The following HABP2 variants were observed in gnomAD, a reference collection of about 807,000 sequenced individuals.
HABP2 encodes the protein hyaluronan binding protein 2.
HABP2 carries 65 observed loss-of-function variants against 66.5 expected under a neutral mutation model. That is an observed-to-expected ratio of 0.98 (90% confidence interval 0.80 to 1.20). HABP2 has a LOEUF of 1.20. HABP2 is among the 50% of genes most tolerant of loss of function. HABP2 has a pLI of 0.00. For missense variants in HABP2, 786 were observed against 691.0 expected, an observed-to-expected ratio of 1.14 and a Z score of -1.54; for synonymous variants, 263 against 253.9, an observed-to-expected ratio of 1.04 and a Z score of -0.34.
At chr10:113,561,243 G>A (rs1845095046) in intron 1 of HABP2, among the ~76,000 whole-genome samples, 1 of 152,144 alleles carries the variant, frequency 6.6e-6, no homozygotes, top group African/African-American at 2.4e-5. Flanking sequence ...CTTTAATCCA[G>A]TGATGATTTC....
chr10:113,555,041 C>A (rs564563355), intron 1 of HABP2, among the ~76,000 whole-genome samples: 1 of 152,154 alleles, frequency 6.6e-6, no homozygotes, highest in Non-Finnish European at 1.5e-5. Context: ...GAGTTTGGGG[C>A]GTCATGGGGG....
chr10:113,562,569 C>G (rs530967090), intron 1 of HABP2, among the ~76,000 whole-genome samples: 2 of 152,074 alleles, frequency 1.3e-5, no homozygotes, highest in East Asian at 1.9e-4. Flanking sequence ...CTCAGCCACC[C>G]GAGTAGCTGG....
chr10:113,558,790 G>C (rs1462002943), intron 1 of HABP2, among the ~76,000 whole-genome samples: 1 of 152,132 alleles, frequency 6.6e-6, no homozygotes, highest in African/African-American at 2.4e-5. Context: ...AGGGAAACAT[G>C]GGGGCTTGTG....
At position 113,567,487 on chromosome 10, in the gene HABP2, A is replaced by G. The variant is rs373951088; in HGVS notation, c.70-2A>G. ...GATCTGCTGTGTTGTTTTGTTTTTC[A>G]GTTCTCCCTGATGTCTTTATTGGAA... On this transcript the variant is annotated splice_acceptor_variant, in intron 1 of 12. Coordinates refer to ENST00000351270, the MANE Select transcript of HABP2 (RefSeq NM_004132.5). LOFTEE classifies it high-confidence loss of function. 17 of 1,611,590 alleles carry G rather than the reference A, an allele frequency of 1.1e-5. No individual in the cohort carries two copies. Among genetic ancestry groups the G allele is most frequent in the Admixed American group, 1.7e-5 (1 of 59,996 alleles).
intron 9 of HABP2, among the ~76,000 whole-genome samples, chr10:113,582,785 A>T (rs936243639): frequency 3.9e-5 from 6 of 152,200 alleles, no homozygotes; most frequent in African/African-American, 1.2e-4. Context: ...CTCATGGTCA[A>T]GGCTGGTCCA....
rs769374694 is a variant in HABP2 at position 113,565,135 on chromosome 10, C to T, written c.70-2354C>T. On this transcript the variant is annotated intron_variant, in intron 1 of 12. Transcript: ENST00000351270. Reference sequence around the variant, plus strand: ...CTGGGATTACAGGCGTGAGCCACCACGCCCAGCCAGCGTCTCTTAAGAATA... The same window carrying T: ...CTGGGATTACAGGCGTGAGCCACCATGCCCAGCCAGCGTCTCTTAAGAATA... 2.6e-5 allele frequency among the ~76,000 whole-genome samples: 4 copies of T among 152,324 alleles called. No individual in the cohort carries two copies. The East Asian group carries it at 5.8e-4, about 22-fold the overall frequency.
chr10:113,577,996 G>T, intron 5 of HABP2, 30 bp from the exon 6 acceptor site: 1 of 1,610,600 alleles, frequency 6.2e-7, no homozygotes. Context: ...CTTCTGAAGA[G>T]CCTTCCTGGC....
chr10:113,581,746 G>A, intron 8 of HABP2, 130 bp from the exon 9 acceptor site: 4 of 825,846 alleles, frequency 4.8e-6, no homozygotes, highest in South Asian at 4.6e-5. Flanking sequence ...CACCCTGTCT[G>A]CACCAGTGCA....
rs1328936945 is a variant in HABP2, at chr10:113,576,022, A to G, written c.331+18A>G. 4.0e-6 allele frequency: 5 copies of G among 1,258,204 alleles called. No individual in the cohort carries two copies. Among genetic ancestry groups the G allele is most frequent in the South Asian group, 1.2e-5 (1 of 83,694 alleles). The allele number at this position is 1,258,204 out of a possible 1,614,324, so 77.9% of individuals were successfully genotyped here. On this transcript the variant is annotated intron_variant, in intron 4 of 12. Transcript: ENST00000351270. ...TCAGAAAGGTGAGTCCGTCATCACTAGTCCACTCTTCCCTCTGAGTTAAAC... is the reference window on the plus strand; with the variant it reads ...TCAGAAAGGTGAGTCCGTCATCACTGGTCCACTCTTCCCTCTGAGTTAAAC...
chr10:113,558,948 A>G (rs769627069), intron 1 of HABP2, among the ~76,000 whole-genome samples: 29 of 151,892 alleles, frequency 1.9e-4, no homozygotes, highest in Non-Finnish European at 3.4e-4. Context: ...TCTGCCTGCC[A>G]GGTTAAAGCG....
intron 9 of HABP2, 91 bp downstream of exon 9, chr10:113,582,222 C>T (rs1431005207): frequency 7.8e-7 from 1 of 1,289,426 alleles, no homozygotes; most frequent in African/African-American, 1.5e-5. Flanking sequence ...GTAGCTCTGT[C>T]AGGATTAGGG....
chr10:113,568,189 C>T (rs1845235877), intron 2 of HABP2, among the ~76,000 whole-genome samples: 1 of 152,228 alleles, frequency 6.6e-6, no homozygotes. Context: ...ACTCCTAGTC[C>T]TTTGGCTCTG....
At position 113,553,103 on chromosome 10, in the gene HABP2, A is replaced by T; in HGVS notation, c.-19A>T. 1 of 1,603,382 alleles carries T rather than the reference A, an allele frequency of 6.2e-7. No individual in the cohort carries two copies. Among genetic ancestry groups the T allele is most frequent in the Non-Finnish European group, 8.5e-7 (1 of 1,170,314 alleles). On this transcript the variant is annotated 5_prime_UTR_variant, in exon 1 of 13. Transcript: ENST00000351270. ...AGAAATTTTATTGAGAGGAAAACAC[A>T]AGTCCTTAAACTGCAAAGATGTTTG...
chr10:113,559,687 T>C (rs1035770296), intron 1 of HABP2, among the ~76,000 whole-genome samples: 2 of 152,198 alleles, frequency 1.3e-5, no homozygotes, highest in African/African-American at 2.4e-5. Flanking sequence ...CTTATGCACA[T>C]TGAGGTTTAA....
At chr10:113,553,640 C>A (rs1437374588) in intron 1 of HABP2, among the ~76,000 whole-genome samples, 1 of 152,228 alleles carries the variant, frequency 6.6e-6, no homozygotes, top group Non-Finnish European at 1.5e-5. Context: ...AGAGGGGAAG[C>A]CTGCTGACTG....
chr10:113,574,094 T>C (rs915530119), intron 2 of HABP2, among the ~76,000 whole-genome samples, 195 bp from the exon 3 acceptor site: 1 of 152,212 alleles, frequency 6.6e-6, no homozygotes, highest in African/African-American at 2.4e-5. Context: ...TGCCGGGTCA[T>C]AGCGTCCCCC....
chr10:113,589,534 G>A lies in HABP2; in HGVS notation c.*1165G>A. 6 of 1,114,888 alleles carry A rather than the reference G, an allele frequency of 5.4e-6. No individual in the cohort carries two copies. Among genetic ancestry groups the A allele is most frequent in the South Asian group, 1.5e-5 (1 of 65,178 alleles). 69.1% of individuals were successfully genotyped at this position (1,114,888 alleles called of 1,614,324 possible). On this transcript the variant is annotated 3_prime_UTR_variant, in exon 13 of 13. Transcript: ENST00000351270. The stretch of plus-strand genomic sequence containing the variant: ...TCAGACCCATGAAATTAGGCGCCTT[G>A]TTTGAGCTGCGTTTCACACTTCTTT...
rs756542776 is a variant in HABP2 at position 113,575,916 on chromosome 10, C to T, written c.243C>T (p.Pro81=). The part of the protein sequence containing the change: ...EDQADPCQPN[P]CEHGGDCLVH... ...TCTTAGATCCATGCCAGCCCAACCC[C>T]TGTGAACACGGTGGGGACTGCCTCG... The change falls in exon 4 of 13, where the codon CCC becomes CCT. Residue 81 remains proline, a synonymous_variant. Transcript: ENST00000351270. 1.2e-5 allele frequency: 20 copies of T among 1,608,692 alleles called. No individual in the cohort carries two copies. Among genetic ancestry groups the T allele is most frequent in the Non-Finnish European group, 1.7e-5 (20 of 1,175,176 alleles).
chr10:113,572,398 A>C (rs1233899471), intron 2 of HABP2, among the ~76,000 whole-genome samples: 1 of 152,246 alleles, frequency 6.6e-6, no homozygotes, highest in Non-Finnish European at 1.5e-5. Context: ...TGGCCTTGCC[A>C]AGATTAGCTG....
Sources: allele counts gnomAD v4.1 joint callset (sites outside exome capture counted in the v4.1 genomes callset), GRCh38; gene constraint gnomAD v4.1.1; transcripts MANE v1.5; gene names NCBI Gene and HGNC (gene_info 2026-07-23, HGNC 2026-07-21).